The following ZNF148 variants were observed in gnomAD, a reference collection of about 807,000 sequenced individuals.
The protein encoded by ZNF148 is zinc finger protein 148, also known as Beta-Enolase Repressor Factor-1.
A neutral mutation model predicts 67.7 loss-of-function variants in ZNF148; 7 were observed. That is an observed-to-expected ratio of 0.10 (90% CI 0.06 to 0.19). The LOEUF is 0.19. Among genes scored for constraint, ZNF148 ranks in the 10% least tolerant of loss-of-function variants. ZNF148 has a pLI of 1.00. For synonymous variants in ZNF148, 333 were observed against 330.7 expected, an observed-to-expected ratio of 1.01 and a Z score of -0.08; for missense variants, 583 against 947.1, an observed-to-expected ratio of 0.62 and a Z score of 5.05.
intron 4 of ZNF148, among the ~76,000 whole-genome samples, chr3:125,308,997 G>C (rs1940050350): frequency 6.6e-6 from 1 of 152,126 alleles, no homozygotes; most frequent in Non-Finnish European, 1.5e-5. Context: ...CCAGACACAA[G>C]AGTTACATGT....
At chr3:125,364,296 G>A (rs1418773558) in intron 1 of ZNF148, among the ~76,000 whole-genome samples, 4 of 152,078 alleles carry the variant, frequency 2.6e-5, no homozygotes, top group African/African-American at 9.7e-5. Context: ...CTACTAGGGC[G>A]GCTAAGGTAG....
chr3:125,293,806 A>C (rs1220267260), intron 4 of ZNF148, among the ~76,000 whole-genome samples: 1 of 152,190 alleles, frequency 6.6e-6, no homozygotes, highest in Non-Finnish European at 1.5e-5. Flanking sequence ...CAAAAATCAC[A>C]ATTAGGTAAA....
At chr3:125,295,865 C>G (rs1939255325) in intron 4 of ZNF148, among the ~76,000 whole-genome samples, 1 of 152,068 alleles carries the variant, frequency 6.6e-6, no homozygotes, top group South Asian at 2.1e-4. Flanking sequence ...ATCAGAAAAT[C>G]AAAAGAGATT....
chr3:125,233,981 G>T lies in ZNF148; in HGVS notation c.787-42C>A. 6.6e-7 allele frequency: 1 copy of T among 1,523,768 alleles called. No homozygotes were observed. The highest frequency in any genetic ancestry group is 1.4e-5 in the South Asian group (1 of 73,988). 94.4% of individuals were successfully genotyped at this position (1,523,768 alleles called of 1,614,324 possible). ...ATGGTAGTGGGTTGTTTGTGGTTTT[G>T]GTCAACCAAGAAAAGAAAAAGTGAA... On this transcript the variant is annotated intron_variant, in intron 8 of 8. Coordinates refer to ENST00000360647, the MANE Select transcript of ZNF148 (RefSeq NM_021964.3). The surrounding 1 kb of genome is among the most constrained non-coding windows in gnomAD (Gnocchi z 5.1).
chr3:125,312,049 C>T (rs1197979207), intron 4 of ZNF148, among the ~76,000 whole-genome samples: 1 of 152,168 alleles, frequency 6.6e-6, no homozygotes, highest in Non-Finnish European at 1.5e-5. Flanking sequence ...ACAATCTCTT[C>T]CAGAAGATAT....
At chr3:125,290,171 T>C (rs1381196391) in intron 4 of ZNF148, among the ~76,000 whole-genome samples, 1 of 152,196 alleles carries the variant, frequency 6.6e-6, no homozygotes. Flanking sequence ...ACTTTGATAC[T>C]ACAGAAGCGG....
intron 7 of ZNF148, among the ~76,000 whole-genome samples, chr3:125,261,087 C>G (rs1357943224): frequency 6.6e-6 from 1 of 152,122 alleles, no homozygotes; most frequent in African/African-American, 2.4e-5. Context: ...GACTGACAAG[C>G]TTTTAAAAGG....
intron 4 of ZNF148, among the ~76,000 whole-genome samples, chr3:125,299,559 T>C (rs566862713): frequency 4.3e-4 from 65 of 152,262 alleles, no homozygotes; most frequent in Non-Finnish European, 2.9e-4. Flanking sequence ...CTACCAACAA[T>C]TCATGTCTAC....
chr3:125,319,986 C>T (rs573799081), intron 3 of ZNF148, among the ~76,000 whole-genome samples: 9 of 152,324 alleles, frequency 5.9e-5, no homozygotes, highest in East Asian at 1.9e-4. Flanking sequence ...TAGCTGACTA[C>T]TCCACCTCAT....
chr3:125,273,528 C>A (rs1937874032), intron 7 of ZNF148, among the ~76,000 whole-genome samples: 1 of 131,668 alleles, frequency 7.6e-6, no homozygotes, highest in African/African-American at 3.0e-5. Context: ...CGGAGTCTTG[C>A]TCTGCTGCCC....
At chr3:125,349,520 C>A (rs115765809) in intron 1 of ZNF148, among the ~76,000 whole-genome samples, 1,572 of 152,218 alleles carry the variant, frequency 0.01, 26 homozygotes, top group African/African-American at 0.035. Flanking sequence ...AAATCAAAAC[C>A]ACAATGAGAT....
chr3:125,355,914 G>GT (rs1942325182), intron 1 of ZNF148, among the ~76,000 whole-genome samples: 15 of 152,080 alleles, frequency 9.9e-5, no homozygotes, highest in Admixed American at 9.8e-4. Context: ...CAATAAAGAG[G>GT]TCCAAACGTT....
intron 4 of ZNF148, among the ~76,000 whole-genome samples, chr3:125,306,586 T>A (rs1182245919): frequency 6.6e-6 from 1 of 152,194 alleles, no homozygotes; most frequent in Non-Finnish European, 1.5e-5. Flanking sequence ...TATGTTTTTT[T>A]AAATAAAATT....
chr3:125,365,662 T>C (rs1051999581), intron 1 of ZNF148, among the ~76,000 whole-genome samples: 1 of 151,738 alleles, frequency 6.6e-6, no homozygotes, highest in South Asian at 2.1e-4. Flanking sequence ...ACAAAAAAAA[T>C]TGAAAATTAG....
intron 7 of ZNF148, among the ~76,000 whole-genome samples, chr3:125,267,762 C>T (rs190114509): frequency 2.6e-5 from 4 of 152,232 alleles, no homozygotes; most frequent in Admixed American, 2.0e-4. Flanking sequence ...AAAAGACATC[C>T]AAATAGGAAA....
At position 125,233,758 on chromosome 3, in the gene ZNF148, T is replaced by C; in HGVS notation, c.968A>G (p.Lys323Arg). Residue 323 changes from lysine to arginine, a missense_variant, in exon 9 of 9, where the codon AAA becomes AGA. Lys to Arg is a conservative substitution (Grantham distance 26). Around this residue, in one of 5 missense-constraint regions of ZNF148, gnomAD observed 78 missense variants for 86.5 expected, o/e 0.90. Transcript: ENST00000360647. The surrounding 1 kb of genome is among the most constrained non-coding windows in gnomAD (Gnocchi z 5.1). ...PKKKRQKTEK[K>R]SSGMDKESAL... Reference sequence around the variant, plus strand: ...ACTCTCTTTGTCCATTCCAGATGATTTTTTCTCCGTTTTCTGCCTTTTCTT... The same window carrying C: ...ACTCTCTTTGTCCATTCCAGATGATCTTTTCTCCGTTTTCTGCCTTTTCTT... 2 of 1,613,754 alleles carry C rather than the reference T, an allele frequency of 1.2e-6. No individual in the cohort carries two copies. Among genetic ancestry groups the C allele is most frequent in the East Asian group, 2.2e-5 (1 of 44,866 alleles).
Position 125,323,435 on chromosome 3 carries a change from C to T in ZNF148, c.-143G>A, listed in dbSNP as rs1267465447. On this transcript the variant is annotated 5_prime_UTR_variant, in exon 3 of 9. An upstream start codon of the reference 5' UTR is lost. Transcript: ENST00000360647. ...TCAATACCACCTTAATCACTTATGC[C>T]ATCCGATTCCTACAATAAAACACAC... 1 of 682,766 alleles carries T rather than the reference C, an allele frequency of 1.5e-6. No individual in the cohort carries two copies. The highest frequency in any genetic ancestry group is 2.6e-6 in the Non-Finnish European group (1 of 379,364). The allele number at this position is 682,766 out of a possible 1,614,324, so 42.3% of individuals were successfully genotyped here.
At chr3:125,253,493 A>G (rs1437615475) in intron 7 of ZNF148, among the ~76,000 whole-genome samples, 2 of 152,146 alleles carry the variant, frequency 1.3e-5, no homozygotes, top group East Asian at 3.8e-4. Context: ...TGTTGAACAG[A>G]AGTGGTGATA....
At chr3:125,270,855 A>C (rs1937694824) in intron 7 of ZNF148, among the ~76,000 whole-genome samples, 1 of 152,188 alleles carries the variant, frequency 6.6e-6, no homozygotes, top group Non-Finnish European at 1.5e-5. Flanking sequence ...CAGCCTAGGC[A>C]ACAGAGGGAG....
Sources: gnomAD v4.1 joint callset for allele counts (sites outside exome capture counted in the v4.1 genomes callset) on GRCh38, gnomAD v4.1.1 for gene constraint, gnomAD v4.1.1 regional missense constraint, Gnocchi (gnomAD v3.1) non-coding constraint, MANE v1.5 for transcripts, NCBI Gene and HGNC (gene_info 2026-07-23, HGNC 2026-07-21) for gene names.